BICRAL: variants seen among roughly 807,000 people sequenced by gnomAD.
BICRAL encodes BICRA like chromatin remodeling complex associated protein.
Under a neutral mutation model 91.8 loss-of-function variants are expected in BICRAL, and 8 were observed. The ratio of observed to expected loss-of-function variants is 0.09; its 90% confidence interval spans 0.05 to 0.16. The LOEUF is 0.16. Ranked by LOEUF, BICRAL falls within the 10% of genes least tolerant of loss-of-function variation. The pLI is 1.00. For missense variants in BICRAL, 1,038 were observed against 1,310.9 expected (o/e 0.79, Z 3.21); for synonymous variants, 445 against 491.1 (o/e 0.91, Z 1.24).
chr6:42,826,033 G>T (rs117441403), intron 5 of BICRAL, among the ~76,000 whole-genome samples: 8 of 148,764 alleles, frequency 5.4e-5, no homozygotes, highest in Non-Finnish European at 1.0e-4. Flanking sequence ...GCAGTGAGTC[G>T]AGATCGGGCC....
chr6:42,823,525 C>G (rs1028350869), intron 5 of BICRAL, among the ~76,000 whole-genome samples: 3 of 152,204 alleles, frequency 2.0e-5, no homozygotes, highest in African/African-American at 7.2e-5. Flanking sequence ...CAGTAGCTCA[C>G]ACCTGTAATC....
intron 2 of BICRAL, among the ~76,000 whole-genome samples, chr6:42,816,873 G>A (rs929145955): frequency 4.5e-4 from 69 of 151,966 alleles, no homozygotes; most frequent in Non-Finnish European, 2.2e-4. Flanking sequence ...AATTAGCTGG[G>A]CGTGGTGGTG....
upstream of BICRAL, among the ~76,000 whole-genome samples, chr6:42,781,033 G>A (rs545869512): frequency 6.6e-6 from 1 of 151,988 alleles, no homozygotes; most frequent in South Asian, 2.1e-4. Context: ...CACCGCGCCC[G>A]GCCTGGGCCA....
rs193265298 is a variant in BICRAL, at chr6:42,857,887, A to C, written c.2254+651A>C. ...TGCAGTGGCACGATCAACTCACTGCAACCTCTGCCTCCCAGGTTCAAGTGA... is the reference window on the plus strand; with the variant it reads ...TGCAGTGGCACGATCAACTCACTGCCACCTCTGCCTCCCAGGTTCAAGTGA... On this transcript the variant is annotated intron_variant, in intron 10 of 12. Transcript: ENST00000314073. Among the ~76,000 whole-genome samples, 480 of 135,076 alleles carry C rather than the reference A, an allele frequency of 3.6e-3. 4 individuals carry two copies. The highest frequency in any genetic ancestry group is 0.014 in the African/African-American group (461 of 33,828). The allele number at this position is 135,076 out of a possible 152,430, so 88.6% of individuals were successfully genotyped here. A position where few individuals can be genotyped will look rare whatever the true frequency, so the allele number is the denominator to read the frequency against.
chr6:42,834,998 C>T (rs964664195), intron 6 of BICRAL, among the ~76,000 whole-genome samples: 1 of 152,120 alleles, frequency 6.6e-6, no homozygotes, highest in African/African-American at 2.4e-5. Flanking sequence ...ATTTACATTT[C>T]TGTGAATCTA....
intron 1 of BICRAL, among the ~76,000 whole-genome samples, chr6:42,761,002 C>T (rs1047001008): frequency 1.3e-5 from 2 of 148,944 alleles, no homozygotes; most frequent in South Asian, 4.2e-4. Context: ...AGCCTGATCA[C>T]GCCACTGCAT....
Position 42,830,008 on chromosome 6 carries a change from T to G in BICRAL, c.1675T>G (p.Ser559Ala). 1 of 1,614,196 alleles carries G rather than the reference T, an allele frequency of 6.2e-7. No homozygotes were observed. Among genetic ancestry groups the G allele is most frequent in the Non-Finnish European group, 8.5e-7 (1 of 1,180,026 alleles). The change falls in exon 6 of 13, where the codon TCT becomes GCT. Residue 559 changes from serine (S) to alanine (A), a missense_variant. Transcript: ENST00000314073. The stretch of plus-strand genomic sequence containing the variant: ...TCCTAGTCTTGGGTCTGCAGTTCAG[T>G]CTGGTTCATCAGGATCAAACTTTAC... The part of the protein sequence containing the change: ...AHPSLGSAVQ[S>A]GSSGSNFTGD...
intron 1 of BICRAL, among the ~76,000 whole-genome samples, chr6:42,772,818 T>C (rs1444369788): frequency 5.9e-5 from 9 of 152,038 alleles, no homozygotes; most frequent in South Asian, 2.1e-4. Flanking sequence ...AGAATTACCA[T>C]TGAGGGAGGA....
At chr6:42,857,983 A>T (rs1013094068) in intron 10 of BICRAL, among the ~76,000 whole-genome samples, 1 of 147,814 alleles carries the variant, frequency 6.8e-6, no homozygotes, top group Admixed American at 6.7e-5. Flanking sequence ...TAATTTTTGT[A>T]TTTTTTTAGT....
chr6:42,789,760 A>G (rs1763213712), intron 1 of BICRAL, among the ~76,000 whole-genome samples: 1 of 152,196 alleles, frequency 6.6e-6, no homozygotes, highest in Non-Finnish European at 1.5e-5. Context: ...AAGAGAAAGT[A>G]TCTCTTCTTA....
At position 42,829,380 on chromosome 6, in the gene BICRAL, A is replaced by G; in HGVS notation, c.1047A>G (p.Ser349=). 6.2e-7 allele frequency: 1 copy of G among 1,614,066 alleles called. No homozygotes were observed. The highest frequency in any genetic ancestry group is 8.5e-7 in the Non-Finnish European group (1 of 1,179,974). ...QQGISFASAS[S]PQGSVVGPHM... Reference sequence around the variant, plus strand: ...GGATCTCTTTTGCTTCTGCAAGCTCACCCCAGGGCTCAGTAGTTGGTCCAC... The same window carrying G: ...GGATCTCTTTTGCTTCTGCAAGCTCGCCCCAGGGCTCAGTAGTTGGTCCAC... The change falls in exon 6 of 13, where the codon TCA becomes TCG. Residue 349 remains serine, a synonymous_variant. Coordinates refer to ENST00000314073, the MANE Select transcript of BICRAL (RefSeq NM_001393499.1).
At position 42,866,718 on chromosome 6, in the gene BICRAL, G is replaced by A; in HGVS notation, c.*1272G>A. The A allele has an allele frequency of 2.3e-6, 1 of 438,966 alleles. No individual in the cohort carries two copies. Among genetic ancestry groups the A allele is most frequent in the South Asian group, 1.6e-5 (1 of 61,486 alleles). The allele number at this position is 438,966 out of a possible 1,614,324, so 27.2% of individuals were successfully genotyped here. A position where few individuals can be genotyped will look rare whatever the true frequency, so the allele number is the denominator to read the frequency against. ...CCCTGTCATGGTTTCTGTTTGGCCT[G>A]TGTTCATATTAGTGAGCATGGCTTA... is the stretch of plus-strand genomic sequence containing the variant. On this transcript the variant is annotated 3_prime_UTR_variant, in exon 13 of 13. Transcript: ENST00000314073.
intron 9 of BICRAL, 95 bp downstream of exon 9, chr6:42,856,012 G>A: frequency 1.0e-6 from 1 of 995,992 alleles, no homozygotes; most frequent in Non-Finnish European, 1.6e-6. Flanking sequence ...TTATAATAAT[G>A]AGTATATTAG....
chr6:42,853,859 G>A (rs1765267213), intron 8 of BICRAL, 121 bp downstream of exon 8: 1 of 702,940 alleles, frequency 1.4e-6, no homozygotes, highest in Non-Finnish European at 2.5e-6. Context: ...TCCCCTGTGT[G>A]CCCACAACAG....
At position 42,828,992 on chromosome 6, in the gene BICRAL, G is replaced by A. The variant is rs1316896483; in HGVS notation, c.659G>A (p.Gly220Asp). The A allele has an allele frequency of 6.2e-7, 1 of 1,613,860 alleles. No individual in the cohort carries two copies. Among genetic ancestry groups the A allele is most frequent in the Non-Finnish European group, 8.5e-7 (1 of 1,179,798 alleles). Residue 220 changes from glycine to aspartate, a missense_variant, in exon 6 of 13, where the codon GGT (glycine) becomes GAT (aspartate). Physicochemically the swap from Gly to Asp is moderately conservative, Grantham distance 94. This residue lies in a region of BICRAL where 532 missense variants were observed against 724.9 expected (regional missense o/e 0.73). Transcript: ENST00000314073. The stretch of plus-strand genomic sequence containing the variant: ...CAAATACAGTTAATTGGGTCATTTG[G>A]TAATCATCCTTCCATGATGACTATT... ...SGQIQLIGSFGNHPSMMTINN... is the reference protein window; with the variant it reads ...SGQIQLIGSFDNHPSMMTINN...
At chr6:42,756,671 A>G (rs1253625280) in intron 1 of BICRAL, among the ~76,000 whole-genome samples, 1 of 151,316 alleles carries the variant, frequency 6.6e-6, no homozygotes. Context: ...TGAGTTACTG[A>G]TTGTTGGGTA....
At chr6:42,813,684 C>G (rs188377161) in intron 2 of BICRAL, among the ~76,000 whole-genome samples, 1 of 152,154 alleles carries the variant, frequency 6.6e-6, no homozygotes, top group Non-Finnish European at 1.5e-5. Context: ...CCATGCCCAG[C>G]TAATTTTTTT....
At position 42,857,635 on chromosome 6, in the gene BICRAL, A is replaced by T. The variant is rs868227022; in HGVS notation, c.2254+399A>T. 3.6e-3 allele frequency among the ~76,000 whole-genome samples: 451 copies of T among 125,536 alleles called. 25 individuals carry two copies. The highest frequency in any genetic ancestry group is 0.014 in the African/African-American group (378 of 27,128). The allele number at this position is 125,536 out of a possible 152,430, so 82.4% of individuals were successfully genotyped here. A position where few individuals can be genotyped will look rare whatever the true frequency, so the allele number is the denominator to read the frequency against. ...AAAAAATATATATATATATATATAT[A>T]TTTTTTAGGAGGGTACCCTAATGTC... On this transcript the variant is annotated intron_variant, in intron 10 of 12. Transcript: ENST00000314073.
At chr6:42,834,308 G>C (rs969923012) in intron 6 of BICRAL, among the ~76,000 whole-genome samples, 14 of 152,314 alleles carry the variant, frequency 9.2e-5, no homozygotes, top group Admixed American at 7.2e-4. Context: ...ACTTGCATAA[G>C]ATGTTGTCCT....
Sources: gnomAD v4.1 joint callset for allele counts (sites outside exome capture counted in the v4.1 genomes callset) on GRCh38, gnomAD v4.1.1 for gene constraint, gnomAD v4.1.1 regional missense constraint, MANE v1.5 for transcripts, NCBI Gene and HGNC (gene_info 2026-07-23, HGNC 2026-07-21) for gene names.